SLC20A2: variants seen among roughly 807,000 people sequenced by gnomAD.
SLC20A2 encodes the protein solute carrier family 20 member 2.
A neutral mutation model predicts 61.0 loss-of-function variants in SLC20A2; 30 were observed. That is an observed-to-expected ratio of 0.49 (90% CI 0.37 to 0.67). The LOEUF (loss-of-function observed/expected upper bound fraction) is 0.67. SLC20A2 is among the 30% of genes least tolerant of loss of function. SLC20A2 has a pLI of 0.00. For missense variants in SLC20A2, 626 were observed against 866.4 expected (o/e 0.72, Z 3.48); for synonymous variants, 351 against 353.3 (o/e 0.99, Z 0.07).
chr8:42,471,563 C>T (rs112516089), intron 2 of SLC20A2, among the ~76,000 whole-genome samples: 2,779 of 152,226 alleles, frequency 0.018, 80 homozygotes, highest in African/African-American at 0.063. Context: ...ATGTAAGAGA[C>T]CAGAATTTCT....
chr8:42,489,883 G>C (rs1321299879), intron 1 of SLC20A2, among the ~76,000 whole-genome samples: 1 of 152,158 alleles, frequency 6.6e-6, no homozygotes, highest in Non-Finnish European at 1.5e-5. Flanking sequence ...AGTGGCCTTC[G>C]GGGAGCTGGA....
chr8:42,430,212 A>G lies in SLC20A2; in HGVS notation c.1561T>C (p.Tyr521His), dbSNP rs1205699151. The G allele has an allele frequency of 1.9e-6, 3 of 1,613,822 alleles. No individual in the cohort carries two copies. Among genetic ancestry groups the G allele is most frequent in the Non-Finnish European group, 2.5e-6 (3 of 1,179,940 alleles). Residue 521 changes from tyrosine (Y) to histidine (H), a missense_variant, in exon 9 of 11, where the codon TAC becomes CAC. By Grantham distance (83) the Tyr-to-His change is moderately conservative (BLOSUM62 2). Coordinates refer to ENST00000520262, the MANE Select transcript of SLC20A2 (RefSeq NM_001257180.2). ...TCTTGCGTTACCCCGCCTTGTTTGT[A>G]AATCAGCCACAAGGCTACCAGGGGA... ...IGPLVALWLI[Y>H]KQGGVTQEAA...
At chr8:42,450,094 C>G (rs777952705) in intron 5 of SLC20A2, among the ~76,000 whole-genome samples, 8 of 152,054 alleles carry the variant, frequency 5.3e-5, no homozygotes, top group Admixed American at 6.5e-5. Context: ...ATTAGAGGAG[C>G]TACCTATGTA....
chr8:42,443,266 TATATATATATATATATATATATA>T (rs1462809206), intron 6 of SLC20A2, among the ~76,000 whole-genome samples: 2,087 of 93,438 alleles, frequency 0.022, 108 homozygotes, highest in Non-Finnish European at 0.031. Flanking sequence ...TATTATAGGA[TATATATATATATATATATATATA>T]TATATATATA....
intron 5 of SLC20A2, among the ~76,000 whole-genome samples, chr8:42,455,247 T>A (rs974997269): frequency 2.1e-5 from 2 of 93,540 alleles, no homozygotes; most frequent in African/African-American, 6.9e-5. Flanking sequence ...AAAAAATATA[T>A]ATATATATAT....
intron 1 of SLC20A2, among the ~76,000 whole-genome samples, chr8:42,519,076 T>A (rs765705960): frequency 3.3e-5 from 5 of 152,220 alleles, no homozygotes; most frequent in Non-Finnish European, 7.3e-5. Context: ...TGCTGAAATT[T>A]GAGCACAGAC....
At chr8:42,475,082 A>T (rs1807960872) in intron 1 of SLC20A2, among the ~76,000 whole-genome samples, 1 of 151,794 alleles carries the variant, frequency 6.6e-6, no homozygotes, top group South Asian at 2.1e-4. Context: ...GAAGGGTTTT[A>T]ATCAGAGAGG....
intron 10 of SLC20A2, among the ~76,000 whole-genome samples, chr8:42,421,662 G>T (rs1199058249): frequency 6.6e-6 from 1 of 152,052 alleles, no homozygotes; most frequent in Non-Finnish European, 1.5e-5. Context: ...AAATTAGCTG[G>T]GTGTGGTGCT....
At chr8:42,537,787 T>C (rs1812802600) in intron 1 of SLC20A2, 2 of 152,212 alleles carry the variant, frequency 1.3e-5, no homozygotes, top group Admixed American at 6.5e-5. Context: ...TTAGAGACAC[T>C]GCAATCTCTT....
chr8:42,511,572 A>G (rs995528408), intron 1 of SLC20A2, among the ~76,000 whole-genome samples: 2 of 151,768 alleles, frequency 1.3e-5, no homozygotes, highest in African/African-American at 2.4e-5. Flanking sequence ...GGCTGCAGTG[A>G]GCCAAGATCG....
intron 1 of SLC20A2, among the ~76,000 whole-genome samples, chr8:42,533,905 A>T (rs1053391565): frequency 6.6e-6 from 1 of 150,818 alleles, no homozygotes; most frequent in East Asian, 2.0e-4. Context: ...TGATCTGCCC[A>T]CCTCGGCCTC....
intron 1 of SLC20A2, among the ~76,000 whole-genome samples, chr8:42,488,569 G>A (rs949763145): frequency 1.3e-5 from 2 of 152,110 alleles, no homozygotes; most frequent in Non-Finnish European, 2.9e-5. Context: ...CCCAGAAGTG[G>A]AATTGCTGGA....
chr8:42,483,432 G>C (rs571389016), intron 1 of SLC20A2, among the ~76,000 whole-genome samples: 2 of 152,254 alleles, frequency 1.3e-5, no homozygotes, highest in East Asian at 3.9e-4. Flanking sequence ...AATGGAATAG[G>C]TTGCAGCCCA....
chr8:42,492,468 G>GA (rs1353222947), intron 1 of SLC20A2, among the ~76,000 whole-genome samples: 1 of 152,198 alleles, frequency 6.6e-6, no homozygotes, highest in East Asian at 1.9e-4. Flanking sequence ...AATTGCAGTA[G>GA]AAAGACACGA....
At chr8:42,470,513 G>C (rs1390875959) in intron 2 of SLC20A2, among the ~76,000 whole-genome samples, 1 of 152,118 alleles carries the variant, frequency 6.6e-6, no homozygotes, top group Non-Finnish European at 1.5e-5. Flanking sequence ...ACAACACAAA[G>C]CGTCAAGCTG....
rs376447185 is a variant in SLC20A2, at chr8:42,417,912, C to A, written c.1850G>T (p.Arg617Leu). Residue 617 changes from arginine to leucine, a missense_variant, in exon 11 of 11, where the codon CGC becomes CTC. Arg to Leu is a moderately radical substitution (Grantham distance 102). Coordinates refer to ENST00000520262, the MANE Select transcript of SLC20A2 (RefSeq NM_001257180.2). The stretch of plus-strand genomic sequence containing the variant: ...GGCCACGAAGATGTTCCGAAAGAGG[C>A]GCCAGTCCACAGCCTTGCGGGAGCG... ...WIRSRKAVDW[R>L]LFRNIFVAWF... 3.7e-6 allele frequency: 6 copies of A among 1,613,940 alleles called. No homozygotes were observed. The highest frequency in any genetic ancestry group is 5.1e-6 in the Non-Finnish European group (6 of 1,179,926).
chr8:42,428,717 C>G lies in SLC20A2; in HGVS notation c.1794+41G>C, dbSNP rs1488034624. ...GCGCTCCGGTGGCCCTGGACCTGTC[C>G]CAGCGGCCTGGGGAAGGGCTCCCGG... On this transcript the variant is annotated intron_variant, in intron 10 of 10. Coordinates refer to ENST00000520262, the MANE Select transcript of SLC20A2 (RefSeq NM_001257180.2). 5.7e-6 allele frequency: 9 copies of G among 1,573,414 alleles called. No individual in the cohort carries two copies. In the Admixed American group the frequency reaches 1.1e-4, roughly 18 times the overall value.
At chr8:42,448,656 A>G (rs1254902682) in intron 5 of SLC20A2, among the ~76,000 whole-genome samples, 2 of 152,166 alleles carry the variant, frequency 1.3e-5, no homozygotes, top group Non-Finnish European at 2.9e-5. Flanking sequence ...CAGTCATGAG[A>G]AACTGGCAGG....
chr8:42,473,318 G>A (rs1284396912), intron 1 of SLC20A2, among the ~76,000 whole-genome samples: 1 of 152,006 alleles, frequency 6.6e-6, no homozygotes, highest in African/African-American at 2.4e-5. Flanking sequence ...TAGAGGCCCC[G>A]CCAGGGTCAG....
Sources: allele counts gnomAD v4.1 joint callset (sites outside exome capture counted in the v4.1 genomes callset), GRCh38; gene constraint gnomAD v4.1.1; transcripts MANE v1.5; gene names NCBI Gene and HGNC (gene_info 2026-07-23, HGNC 2026-07-21).